GSK3B: variants seen among roughly 807,000 people sequenced by gnomAD.
GSK3B encodes the protein glycogen synthase kinase 3 beta, also known as glycogen synthase kinase-3 beta.
Under a neutral mutation model 56.4 loss-of-function variants are expected in GSK3B, and 15 were observed. That is an observed-to-expected ratio of 0.27 (90% CI 0.18 to 0.41). The LOEUF (loss-of-function observed/expected upper bound fraction) is 0.41. Among genes scored for constraint, GSK3B ranks in the 10% least tolerant of loss-of-function variants. GSK3B has a pLI of 1.00. For missense variants in GSK3B, 300 were observed against 513.4 expected (o/e 0.58, Z 4.02); for synonymous variants, 181 against 188.9 (o/e 0.96, Z 0.34).
At chr3:120,046,744 G>C (rs939488924) in intron 1 of GSK3B, among the ~76,000 whole-genome samples, 19 of 152,084 alleles carry the variant, frequency 1.2e-4, no homozygotes, top group Admixed American at 9.2e-4. Flanking sequence ...ATGTAGCTAG[G>C]ACTACAGGCA....
intron 1 of GSK3B, among the ~76,000 whole-genome samples, chr3:120,089,350 A>T (rs569144708): frequency 6.6e-6 from 1 of 152,238 alleles, no homozygotes; most frequent in Non-Finnish European, 1.5e-5. Context: ...TTGGGAAATG[A>T]CTGAAAATAA....
intron 9 of GSK3B, among the ~76,000 whole-genome samples, chr3:119,846,673 G>C (rs528915008): frequency 6.6e-6 from 1 of 152,288 alleles, no homozygotes; most frequent in Non-Finnish European, 1.5e-5. Flanking sequence ...AAACAAGAAT[G>C]CTTTTACACT....
chr3:119,835,226 C>T (rs1272311418), intron 10 of GSK3B, among the ~76,000 whole-genome samples: 3 of 152,206 alleles, frequency 2.0e-5, no homozygotes, highest in Non-Finnish European at 2.9e-5. Context: ...TAGAAAAGTA[C>T]TTGTACTGAC....
intron 1 of GSK3B, among the ~76,000 whole-genome samples, 166 bp downstream of exon 1, chr3:120,093,181 T>C (rs1468135120): frequency 1.3e-5 from 2 of 152,098 alleles, no homozygotes; most frequent in Admixed American, 6.5e-5. Flanking sequence ...GGAGGGGGTA[T>C]GGGAGGAGTA....
chr3:120,077,428 T>G (rs1000155527), intron 1 of GSK3B, among the ~76,000 whole-genome samples: 1 of 152,148 alleles, frequency 6.6e-6, no homozygotes, highest in African/African-American at 2.4e-5. Flanking sequence ...TGAAATCTTT[T>G]TTCAAAAAAA....
At chr3:120,051,483 T>C (rs552736099) in intron 1 of GSK3B, among the ~76,000 whole-genome samples, 4 of 152,278 alleles carry the variant, frequency 2.6e-5, no homozygotes, top group Non-Finnish European at 5.9e-5. Flanking sequence ...AGCACTATAC[T>C]GGGTCAGGCG....
At chr3:120,002,610 T>A (rs1044649043) in intron 1 of GSK3B, among the ~76,000 whole-genome samples, 2 of 152,220 alleles carry the variant, frequency 1.3e-5, no homozygotes, top group Non-Finnish European at 2.9e-5. Flanking sequence ...AGTGCTGGGA[T>A]TACAGGCATC....
At chr3:119,909,441 T>C (rs1371074134) in intron 6 of GSK3B, among the ~76,000 whole-genome samples, 1 of 152,226 alleles carries the variant, frequency 6.6e-6, no homozygotes, top group Non-Finnish European at 1.5e-5. Flanking sequence ...TAAAATAATT[T>C]TGGTTTCCAC....
At chr3:120,078,943 ACACT>A (rs2058389929) in intron 1 of GSK3B, among the ~76,000 whole-genome samples, 1 of 143,126 alleles carries the variant, frequency 7.0e-6, no homozygotes, top group East Asian at 2.1e-4. Flanking sequence ...ACACACACAC[ACACT>A]TTTTTTTCTT....
chr3:119,931,192 A>G (rs2056942239), intron 3 of GSK3B, among the ~76,000 whole-genome samples: 1 of 152,218 alleles, frequency 6.6e-6, no homozygotes, highest in African/African-American at 2.4e-5. Flanking sequence ...ATATTTTGAG[A>G]AGACCAGGAT....
chr3:120,032,931 T>G (rs2057990309), intron 1 of GSK3B, among the ~76,000 whole-genome samples: 1 of 152,216 alleles, frequency 6.6e-6, no homozygotes, highest in Non-Finnish European at 1.5e-5. Context: ...TTTTAGTACT[T>G]TCACAGGCTT....
At chr3:119,931,599 A>G (rs1273563300) in intron 3 of GSK3B, among the ~76,000 whole-genome samples, 1 of 152,204 alleles carries the variant, frequency 6.6e-6, no homozygotes, top group Non-Finnish European at 1.5e-5. Context: ...TAGGTGACAG[A>G]GCAAGACTGT....
At chr3:119,837,523 T>G (rs1048367885) in intron 10 of GSK3B, among the ~76,000 whole-genome samples, 6 of 152,052 alleles carry the variant, frequency 3.9e-5, no homozygotes, top group African/African-American at 1.4e-4. Context: ...CAATAATGTC[T>G]ATTACTGAAT....
intron 1 of GSK3B, among the ~76,000 whole-genome samples, chr3:120,047,444 C>T (rs1407275455): frequency 6.6e-6 from 1 of 152,098 alleles, no homozygotes; most frequent in Non-Finnish European, 1.5e-5. Flanking sequence ...CACACTAAAC[C>T]CAATGCCAGG....
chr3:119,976,398 G>C (rs918619815), intron 2 of GSK3B, among the ~76,000 whole-genome samples: 1 of 152,036 alleles, frequency 6.6e-6, no homozygotes, highest in Non-Finnish European at 1.5e-5. Flanking sequence ...AGCCATAAAA[G>C]GAATGAAGTA....
chr3:120,027,579 T>TA (rs2057939023), intron 1 of GSK3B, among the ~76,000 whole-genome samples: 2 of 152,258 alleles, frequency 1.3e-5, no homozygotes, highest in South Asian at 4.1e-4. Flanking sequence ...AATCATTAGG[T>TA]AAACTATGAT....
chr3:120,087,276 T>C (rs1415110387), intron 1 of GSK3B, among the ~76,000 whole-genome samples: 1 of 152,204 alleles, frequency 6.6e-6, no homozygotes, highest in Non-Finnish European at 1.5e-5. Context: ...TTCACGCCTG[T>C]AATCCCAGCA....
rs5852229 is a variant in GSK3B at position 119,862,524 on chromosome 3, T to TAAA, written c.1096+892_1096+894dup. ...ATGTACCCTAAAACTTAGAGTATAA[T>TAAA]AAAAAAAAAAAAAAAAAAAGAAAGA... On this transcript the variant is annotated intron_variant, in intron 9 of 10. Transcript: ENST00000264235. Among the ~76,000 whole-genome samples the TAAA allele has an allele frequency of 5.8e-3, 644 of 111,816 alleles. 3 individuals are homozygous for TAAA. The highest frequency in any genetic ancestry group is 0.019 in the African/African-American group (549 of 28,330). The allele number at this position is 111,816 out of a possible 152,430, so 73.4% of individuals were successfully genotyped here.
In GSK3B at chr3:119,826,549, C is replaced by G; in HGVS notation, c.*239G>C. 4.6e-6 allele frequency: 2 copies of G among 430,384 alleles called. No homozygotes were observed. The highest frequency in any genetic ancestry group is 9.0e-6 in the Non-Finnish European group (2 of 221,426). 26.7% of individuals were successfully genotyped at this position (430,384 alleles called of 1,614,324 possible). ...TGTTCTAGTGCTCCGCTTTCCCCCTCCCCACAACCCCTCCCACCCCCTGGA... is the reference window on the plus strand; with the variant it reads ...TGTTCTAGTGCTCCGCTTTCCCCCTGCCCACAACCCCTCCCACCCCCTGGA... On this transcript the variant is annotated 3_prime_UTR_variant, in exon 11 of 11. Coordinates refer to ENST00000264235, the MANE Select transcript of GSK3B (RefSeq NM_001146156.2).
Sources: gnomAD v4.1 joint callset for allele counts (sites outside exome capture counted in the v4.1 genomes callset) on GRCh38, gnomAD v4.1.1 for gene constraint, MANE v1.5 for transcripts, NCBI Gene and HGNC (gene_info 2026-07-23, HGNC 2026-07-21) for gene names.